Variants in TANGO6 observed in about 807,000 individuals in gnomAD.
TANGO6 encodes transport and Golgi organization protein 6 homolog.
Under a neutral mutation model 114.2 loss-of-function variants are expected in TANGO6, and 90 were observed. The ratio of observed to expected loss-of-function variants is 0.79; its 90% CI spans 0.66 to 0.94. The LOEUF is 0.94. Ranked by LOEUF, TANGO6 falls within the 40% of genes least tolerant of loss-of-function variation. The pLI, the probability that TANGO6 is intolerant of heterozygous loss-of-function variation, is 0.00. For missense variants in TANGO6, 1,274 were observed against 1,315.3 expected (o/e 0.97, Z 0.49); for synonymous variants, 477 against 509.8 (o/e 0.94, Z 0.87).
chr16:69,068,879 A>C (rs1036959303), intron 17 of TANGO6, among the ~76,000 whole-genome samples: 8 of 152,056 alleles, frequency 5.3e-5, no homozygotes, highest in Non-Finnish European at 1.2e-4. Flanking sequence ...ACGCCCAGGT[A>C]ATTTTTTTCC....
chr16:69,022,763 T>C, intron 15 of TANGO6, 65 bp from the exon 16 acceptor site: 1 of 1,492,288 alleles, frequency 6.7e-7, no homozygotes, highest in Non-Finnish European at 9.0e-7. Flanking sequence ...GAAATATAAT[T>C]CTTCCTTTTT....
chr16:68,946,074 G>A (rs1360026373), intron 14 of TANGO6, among the ~76,000 whole-genome samples: 1 of 151,990 alleles, frequency 6.6e-6, no homozygotes, highest in Non-Finnish European at 1.5e-5. Flanking sequence ...TTTATCAGAT[G>A]CATGATTTGC....
In TANGO6 at chr16:69,072,026, C is replaced by CGTGTGTGTGTGTGTGT. The variant is rs58310609; in HGVS notation, c.3109-11432_3109-11417dup. Among the ~76,000 whole-genome samples the CGTGTGTGTGTGTGTGT allele has an allele frequency of 4.5e-3, 416 of 93,002 alleles. 7 individuals carry two copies. The highest frequency in any genetic ancestry group is 8.9e-3 in the Admixed American group (83 of 9,350). 61.0% of individuals were successfully genotyped at this position (93,002 alleles called of 152,430 possible). On this transcript the variant is annotated intron_variant, in intron 17 of 17. Coordinates refer to ENST00000261778, the MANE Select transcript of TANGO6 (RefSeq NM_024562.2). ...AGGGAGGGTGAAGAGAGAGGGAGAC[C>CGTGTGTGTGTGTGTGT]GTGTGTGTGTGTGTGTGTGTGTGTG...
intron 17 of TANGO6, among the ~76,000 whole-genome samples, chr16:69,046,532 T>G (rs1417359987): frequency 6.6e-6 from 1 of 152,014 alleles, no homozygotes; most frequent in Non-Finnish European, 1.5e-5. Flanking sequence ...GTCAGGCTGG[T>G]CTCAAACTCC....
chr16:69,011,781 A>G (rs1964145564), intron 15 of TANGO6, among the ~76,000 whole-genome samples: 1 of 152,226 alleles, frequency 6.6e-6, no homozygotes, highest in South Asian at 2.1e-4. Context: ...GTTGCAAGTC[A>G]TTTCAGATCC....
At chr16:69,063,808 CTTATTATTATTATTATTATTA>C (rs1179628552) in intron 17 of TANGO6, among the ~76,000 whole-genome samples, 2 of 125,582 alleles carry the variant, frequency 1.6e-5, no homozygotes, top group African/African-American at 6.5e-5. Flanking sequence ...TCTTCTTCTT[CTTATTATTATTATTATTATTA>C]TTATTATTAT....
rs528466009 is a variant in TANGO6 at position 68,963,889 on chromosome 16, A to G, written c.2702-10139A>G. 2.6e-5 allele frequency among the ~76,000 whole-genome samples: 4 copies of G among 152,188 alleles called. No homozygotes were observed. In the South Asian group the frequency reaches 8.3e-4, roughly 32 times the overall value. On this transcript the variant is annotated intron_variant, in intron 14 of 17. Transcript: ENST00000261778. ...ACCCAGACTTCAGCCTTTGACACCTATCCCATTGTCTTTTTCCTTGGTTGT... is the reference window on the plus strand; with the variant it reads ...ACCCAGACTTCAGCCTTTGACACCTGTCCCATTGTCTTTTTCCTTGGTTGT...
intron 15 of TANGO6, among the ~76,000 whole-genome samples, chr16:68,991,640 C>G (rs570484097): frequency 6.6e-6 from 1 of 151,518 alleles, no homozygotes; most frequent in Non-Finnish European, 1.5e-5. Flanking sequence ...GAGATTTCAT[C>G]GATAAATAAA....
At chr16:68,893,082 C>A (rs2152177260) in intron 7 of TANGO6, among the ~76,000 whole-genome samples, 1 of 152,280 alleles carries the variant, frequency 6.6e-6, no homozygotes. Flanking sequence ...AAACTTGTTA[C>A]ATCTGGTCAC....
chr16:69,080,342 G>C (rs1208691626), intron 17 of TANGO6, among the ~76,000 whole-genome samples: 1 of 152,160 alleles, frequency 6.6e-6, no homozygotes, highest in African/African-American at 2.4e-5. Context: ...TCTGAGGTGG[G>C]AGGGTTGCTT....
intron 17 of TANGO6, among the ~76,000 whole-genome samples, chr16:69,057,971 G>A (rs1353921194): frequency 1.3e-5 from 2 of 152,182 alleles, no homozygotes; most frequent in Non-Finnish European, 2.9e-5. Context: ...GCATGGGGTA[G>A]AGAAAAACTG....
intron 6 of TANGO6, among the ~76,000 whole-genome samples, chr16:68,878,871 G>C (rs1167482048): frequency 6.6e-6 from 1 of 151,684 alleles, no homozygotes; most frequent in Admixed American, 6.6e-5. Context: ...CCAGGAGTTC[G>C]AGACCACTGG....
At chr16:68,928,138 C>T (rs978618286) in intron 13 of TANGO6, 55 bp downstream of exon 13, 1 of 1,479,060 alleles carries the variant, frequency 6.8e-7, no homozygotes, top group African/African-American at 1.4e-5. Flanking sequence ...ATTCATTCAA[C>T]TCAAGTATTT....
intron 7 of TANGO6, among the ~76,000 whole-genome samples, chr16:68,883,534 A>T (rs1243199758): frequency 6.6e-6 from 1 of 152,148 alleles, no homozygotes; most frequent in African/African-American, 2.4e-5. Flanking sequence ...TTGTTTATCT[A>T]TTCATCAGTA....
intron 17 of TANGO6, among the ~76,000 whole-genome samples, chr16:69,059,596 T>G (rs948155112): frequency 6.6e-6 from 1 of 152,124 alleles, no homozygotes; most frequent in African/African-American, 2.4e-5. Context: ...CTCTGCTCAC[T>G]GCAACCTCTG....
At chr16:68,864,024 A>G (rs1962140117) in intron 3 of TANGO6, among the ~76,000 whole-genome samples, 1 of 151,862 alleles carries the variant, frequency 6.6e-6, no homozygotes, top group Admixed American at 6.6e-5. Context: ...AAAATACAAA[A>G]TTAGCCGGGC....
chr16:68,983,036 A>AT (rs1392546996), intron 15 of TANGO6, among the ~76,000 whole-genome samples: 5 of 147,222 alleles, frequency 3.4e-5, no homozygotes, highest in African/African-American at 5.0e-5. Flanking sequence ...TTTTATTTTG[A>AT]TTTTTTTTAG....
intron 2 of TANGO6, among the ~76,000 whole-genome samples, chr16:68,861,144 C>G (rs1454710059): frequency 6.6e-6 from 1 of 152,142 alleles, no homozygotes; most frequent in Non-Finnish European, 1.5e-5. Context: ...AAATAACTCA[C>G]ATGCTGACTG....
chr16:69,009,728 GT>G (rs1964128413), intron 15 of TANGO6, among the ~76,000 whole-genome samples: 1 of 152,064 alleles, frequency 6.6e-6, no homozygotes, highest in African/African-American at 2.4e-5. Context: ...TTTCAATAAT[GT>G]TTTCAGAGTA....
Sources: allele counts gnomAD v4.1 joint callset (sites outside exome capture counted in the v4.1 genomes callset), GRCh38; gene constraint gnomAD v4.1.1; transcripts MANE v1.5; gene names NCBI Gene and HGNC (gene_info 2026-07-23, HGNC 2026-07-21).